Variants in GPC6 observed in about 807,000 individuals in gnomAD.
GPC6 encodes the protein glypican-6.
A neutral mutation model predicts 55.2 loss-of-function variants in GPC6; 14 were observed. That is an observed-to-expected ratio of 0.25 (90% CI 0.17 to 0.40). The LOEUF is 0.40. Among genes scored for constraint, GPC6 ranks in the 10% least tolerant of loss-of-function variants. The pLI, the probability that GPC6 is intolerant of heterozygous loss-of-function variation, is 1.00. For synonymous variants in GPC6, 278 were observed against 259.6 expected (o/e 1.07, Z -0.68); for missense variants, 641 against 708.5 (o/e 0.90, Z 1.08).
intron 4 of GPC6, among the ~76,000 whole-genome samples, chr13:94,178,293 G>A (rs919155152): frequency 1.7e-4 from 26 of 152,006 alleles, no homozygotes; most frequent in South Asian, 1.0e-3. Flanking sequence ...CATCGCACCC[G>A]GCTGGTCTTT....
intron 2 of GPC6, among the ~76,000 whole-genome samples, chr13:93,687,709 C>A (rs1212814373): frequency 6.6e-6 from 1 of 152,018 alleles, no homozygotes; most frequent in Non-Finnish European, 1.5e-5. Flanking sequence ...TTAATGTTAT[C>A]TGTTACTACT....
chr13:93,286,272 A>G (rs1381423383), intron 1 of GPC6, among the ~76,000 whole-genome samples: 5 of 152,308 alleles, frequency 3.3e-5, no homozygotes, highest in Admixed American at 6.5e-5. Context: ...CAAGAACAGG[A>G]TGGGAAAAGC....
intron 4 of GPC6, among the ~76,000 whole-genome samples, chr13:94,149,294 C>T (rs1887659284): frequency 6.6e-6 from 1 of 152,110 alleles, no homozygotes; most frequent in South Asian, 2.1e-4. Context: ...GACTGCAAAG[C>T]AGGCATCTGG....
intron 3 of GPC6, among the ~76,000 whole-genome samples, chr13:93,949,152 T>C (rs1408428784): frequency 6.6e-6 from 1 of 152,220 alleles, no homozygotes; most frequent in Non-Finnish European, 1.5e-5. Flanking sequence ...CACCTCCAAA[T>C]TAGTCCTTAA....
intron 4 of GPC6, among the ~76,000 whole-genome samples, chr13:94,034,806 A>G (rs1223363561): frequency 2.6e-5 from 4 of 152,002 alleles, no homozygotes; most frequent in African/African-American, 7.2e-5. Flanking sequence ...ACAAAATAAT[A>G]TTGGCACAAA....
rs34604793 is a variant in GPC6 at position 93,341,695 on chromosome 13, CTT to C, written c.160+114091_160+114092del. Among the ~76,000 whole-genome samples the C allele has an allele frequency of 5.7e-3, 811 of 142,612 alleles. 7 individuals carry two copies. The highest frequency in any genetic ancestry group is 0.019 in the African/African-American group (737 of 39,222). The allele number at this position is 142,612 out of a possible 152,430, so 93.6% of individuals were successfully genotyped here. A position where few individuals can be genotyped will look rare whatever the true frequency, so the allele number is the denominator to read the frequency against. The stretch of plus-strand genomic sequence containing the variant: ...CAAATATTGTCTGTTTACTCCGCTG[CTT>C]TTTTTTTTTTTCTTTTTTTTGCTGA... On this transcript the variant is annotated intron_variant, in intron 1 of 8. Transcript: ENST00000377047.
At chr13:94,017,686 T>G (rs1463564631) in intron 3 of GPC6, among the ~76,000 whole-genome samples, 2 of 151,840 alleles carry the variant, frequency 1.3e-5, no homozygotes, top group East Asian at 3.9e-4. Context: ...TTCTTGTTGT[T>G]TTTATTTTTT....
At chr13:93,999,962 A>G (rs965753083) in intron 3 of GPC6, among the ~76,000 whole-genome samples, 3 of 152,288 alleles carry the variant, frequency 2.0e-5, no homozygotes, top group Middle Eastern at 3.4e-3. Context: ...TCATTTGGCA[A>G]TTTGTCCCAA....
chr13:94,280,494 C>T (rs1892347083), intron 4 of GPC6, among the ~76,000 whole-genome samples: 1 of 152,156 alleles, frequency 6.6e-6, no homozygotes, highest in South Asian at 2.1e-4. Context: ...AAGCAAAGGA[C>T]ATGTATATTC....
intron 1 of GPC6, among the ~76,000 whole-genome samples, chr13:93,434,349 A>C (rs927573981): frequency 6.6e-6 from 1 of 152,174 alleles, no homozygotes; most frequent in Admixed American, 6.5e-5. Flanking sequence ...GAGAACCCAG[A>C]TGATAACACA....
intron 1 of GPC6, among the ~76,000 whole-genome samples, chr13:93,310,907 A>G (rs1879044307): frequency 1.3e-5 from 2 of 152,214 alleles, no homozygotes; most frequent in Admixed American, 1.3e-4. Context: ...ATTTTATTAT[A>G]AACAATTTTT....
intron 2 of GPC6, among the ~76,000 whole-genome samples, chr13:93,782,684 T>C (rs766914395): frequency 6.6e-6 from 1 of 152,168 alleles, no homozygotes; most frequent in African/African-American, 2.4e-5. Context: ...ATTAGTGATG[T>C]TGAGCACTTT....
intron 2 of GPC6, among the ~76,000 whole-genome samples, chr13:93,582,335 G>T (rs553759867): frequency 6.6e-6 from 1 of 152,320 alleles, no homozygotes; most frequent in South Asian, 2.1e-4. Flanking sequence ...AAAGCTGTAT[G>T]CTCTGGAACA....
intron 1 of GPC6, among the ~76,000 whole-genome samples, chr13:93,433,603 A>G (rs1405437477): frequency 6.6e-6 from 1 of 152,176 alleles, no homozygotes; most frequent in African/African-American, 2.4e-5. Flanking sequence ...ACACGTGTAG[A>G]GAAAAATTTA....
intron 4 of GPC6, among the ~76,000 whole-genome samples, chr13:94,255,371 C>T (rs1891472299): frequency 6.6e-6 from 1 of 152,134 alleles, no homozygotes; most frequent in African/African-American, 2.4e-5. Flanking sequence ...GCTTATAATG[C>T]ATCTTAAATC....
chr13:93,449,347 A>G (rs1165488312), intron 1 of GPC6, among the ~76,000 whole-genome samples: 1 of 152,200 alleles, frequency 6.6e-6, no homozygotes, highest in Non-Finnish European at 1.5e-5. Context: ...GTCTAGAATT[A>G]AGGTGTGAAA....
At chr13:93,289,128 A>T (rs1253969434) in intron 1 of GPC6, among the ~76,000 whole-genome samples, 1 of 152,214 alleles carries the variant, frequency 6.6e-6, no homozygotes, top group African/African-American at 2.4e-5. Flanking sequence ...ACTGGATTTT[A>T]TCGGTACCAC....
At chr13:93,655,085 G>A (rs1439185139) in intron 2 of GPC6, among the ~76,000 whole-genome samples, 1 of 142,374 alleles carries the variant, frequency 7.0e-6, no homozygotes, top group Non-Finnish European at 1.5e-5. Flanking sequence ...TCCTCGCCTC[G>A]TGATCCACCC....
chr13:93,831,506 C>T (rs1403063111), intron 3 of GPC6, among the ~76,000 whole-genome samples: 5 of 151,532 alleles, frequency 3.3e-5, no homozygotes, highest in African/African-American at 1.2e-4. Flanking sequence ...AGGGCTGTGC[C>T]AAAGAGCCAC....
Sources: gnomAD v4.1 joint callset for allele counts (sites outside exome capture counted in the v4.1 genomes callset) on GRCh38, gnomAD v4.1.1 for gene constraint, MANE v1.5 for transcripts, NCBI Gene and HGNC (gene_info 2026-07-23, HGNC 2026-07-21) for gene names.